Variants in DENND2A observed in about 807,000 individuals in gnomAD.
DENND2A encodes the protein DENN domain containing 2A.
Under a neutral mutation model 105.3 loss-of-function variants are expected in DENND2A, and 53 were observed. That is an observed-to-expected ratio of 0.50 (90% CI 0.40 to 0.63). DENND2A has a LOEUF of 0.63. DENND2A is among the 30% of genes least tolerant of loss of function. DENND2A has a pLI of 0.00. For missense variants in DENND2A, 1,138 were observed against 1,279.6 expected (o/e 0.89, Z 1.69); for synonymous variants, 522 against 508.4 (o/e 1.03, Z -0.36).
chr7:140,568,665 C>T (rs1194111378), intron 8 of DENND2A, 98 bp downstream of exon 8: 31 of 1,295,458 alleles, frequency 2.4e-5, no homozygotes, highest in East Asian at 4.6e-5. Flanking sequence ...AAGCAAGCTC[C>T]GGCAGGACGC....
At chr7:140,555,796 T>C in intron 11 of DENND2A, 83 bp from the exon 12 acceptor site, 1 of 1,172,042 alleles carries the variant, frequency 8.5e-7, no homozygotes, top group Non-Finnish European at 1.2e-6. Context: ...TGCGAGACTA[T>C]CATGTGCCAG....
intron 1 of DENND2A, among the ~76,000 whole-genome samples, chr7:140,630,108 C>A (rs571758403): frequency 1.3e-5 from 2 of 151,144 alleles, no homozygotes; most frequent in African/African-American, 2.4e-5. Flanking sequence ...TGAGCCACTG[C>A]GCCAGGTCTT....
At chr7:140,590,729 G>A (rs1475687924) in intron 3 of DENND2A, among the ~76,000 whole-genome samples, 1 of 152,020 alleles carries the variant, frequency 6.6e-6, no homozygotes, top group Non-Finnish European at 1.5e-5. Context: ...AAAATTAGCT[G>A]GGCATGGTGG....
At chr7:140,571,694 C>T (rs192112795) in intron 6 of DENND2A, among the ~76,000 whole-genome samples, 2 of 152,030 alleles carry the variant, frequency 1.3e-5, no homozygotes, top group African/African-American at 2.4e-5. Context: ...TATATACATA[C>T]GATGGAATAC....
In DENND2A at chr7:140,556,419, C is replaced by A. The variant is rs533275126; in HGVS notation, c.1960-706G>T. ...AGCGACGCGATCTCAGCTCACTGCACCCTCCACTTCCCAGGTTCAGGAGAT... is the reference window on the plus strand; with the variant it reads ...AGCGACGCGATCTCAGCTCACTGCAACCTCCACTTCCCAGGTTCAGGAGAT... On this transcript the variant is annotated intron_variant, in intron 11 of 19. Transcript: ENST00000496613. Among the ~76,000 whole-genome samples, 20 of 152,162 alleles carry A rather than the reference C, an allele frequency of 1.3e-4. No homozygotes were observed. In the South Asian group the frequency reaches 4.1e-3, roughly 32 times the overall value.
rs1795783504 is a variant in DENND2A, at chr7:140,519,689, G to C, written c.2941C>G (p.Leu981Val). ...TGCTCTCCACTGGGGAGTGTTTCCA[G>C]ATACTCTTGGGCTCGGACCTCAAAC... ...GLFEVRAQEYLETLPSGEHSG... is the reference protein window; with the variant it reads ...GLFEVRAQEYVETLPSGEHSG... Residue 981 changes from leucine (L) to valine (V), a missense_variant, in exon 19 of 20, where the codon CTG becomes GTG. By Grantham distance (32) the Leu-to-Val change is conservative. This residue lies in a region of DENND2A where 627 missense variants were observed against 779.8 expected (regional missense o/e 0.80). Coordinates refer to ENST00000496613, the MANE Select transcript of DENND2A (RefSeq NM_015689.5). The C allele has an allele frequency of 1.2e-6, 2 of 1,613,974 alleles. No individual in the cohort carries two copies. Among genetic ancestry groups the C allele is most frequent in the Non-Finnish European group, 1.7e-6 (2 of 1,180,036 alleles).
At chr7:140,564,296 A>ATACAC (rs11407278) in intron 9 of DENND2A, among the ~76,000 whole-genome samples, 1 of 141,996 alleles carries the variant, frequency 7.0e-6, no homozygotes. Flanking sequence ...AAAAAAAAAA[A>ATACAC]ATACACACAC....
chr7:140,534,159 A>G (rs1286976152), intron 14 of DENND2A, among the ~76,000 whole-genome samples: 3 of 139,152 alleles, frequency 2.2e-5, no homozygotes, highest in Non-Finnish European at 4.5e-5. Flanking sequence ...ATCTTGGCTC[A>G]CTGCAACCTC....
At chr7:140,621,676 C>A (rs561765332) in intron 1 of DENND2A, among the ~76,000 whole-genome samples, 1 of 152,268 alleles carries the variant, frequency 6.6e-6, no homozygotes, top group East Asian at 1.9e-4. Context: ...AGAGTAAAAC[C>A]TGGGAGAAAT....
At chr7:140,550,249 A>G (rs1317441909) in intron 12 of DENND2A, among the ~76,000 whole-genome samples, 2 of 150,094 alleles carry the variant, frequency 1.3e-5, no homozygotes, top group African/African-American at 2.5e-5. Context: ...CTGGAGTGCA[A>G]TGGCATGATT....
chr7:140,588,059 C>T (rs1798860623), intron 3 of DENND2A, among the ~76,000 whole-genome samples: 1 of 152,126 alleles, frequency 6.6e-6, no homozygotes, highest in Non-Finnish European at 1.5e-5. Flanking sequence ...TATAGGCATG[C>T]ACCACCATGC....
chr7:140,549,498 C>T (rs1445485778), intron 12 of DENND2A, among the ~76,000 whole-genome samples: 2 of 152,140 alleles, frequency 1.3e-5, no homozygotes, highest in African/African-American at 4.8e-5. Flanking sequence ...GGCGATCCAA[C>T]CACCTCGGCC....
intron 1 of DENND2A, among the ~76,000 whole-genome samples, chr7:140,606,669 C>T (rs1234035708): frequency 6.6e-6 from 1 of 152,142 alleles, no homozygotes; most frequent in Non-Finnish European, 1.5e-5. Context: ...GAGGAAGAAA[C>T]AGCCAGTCAC....
rs1165253379 is a variant in DENND2A at position 140,628,057 on chromosome 7, T to C, written c.-248+12447A>G. On this transcript the variant is annotated intron_variant, in intron 1 of 19. Transcript: ENST00000496613. ...TGACAGCTTCGGCCTCCCAAAGTGC[T>C]GGGATTACAGGTGTAAGCCACTGTG... Among the ~76,000 whole-genome samples, 4 of 152,290 alleles carry C rather than the reference T, an allele frequency of 2.6e-5. No homozygotes were observed. The East Asian group carries it at 5.8e-4, about 22-fold the overall frequency.
At chr7:140,626,429 G>A (rs779978768) in intron 1 of DENND2A, among the ~76,000 whole-genome samples, 6 of 152,260 alleles carry the variant, frequency 3.9e-5, no homozygotes, top group Middle Eastern at 3.4e-3. Context: ...AGGACCACCC[G>A]GTGTGATCTG....
At chr7:140,545,507 T>C (rs1479241185) in intron 13 of DENND2A, among the ~76,000 whole-genome samples, 1 of 152,116 alleles carries the variant, frequency 6.6e-6, no homozygotes, top group African/African-American at 2.4e-5. Context: ...CCCGCCACCA[T>C]GCCTGGCTAA....
chr7:140,582,728 G>A (rs1180015923), intron 5 of DENND2A, among the ~76,000 whole-genome samples: 2 of 152,128 alleles, frequency 1.3e-5, no homozygotes, highest in Admixed American at 6.5e-5. Context: ...ACCTGCCAGC[G>A]ATGCTGACCC....
At chr7:140,610,528 T>A (rs562273973) in intron 1 of DENND2A, among the ~76,000 whole-genome samples, 427 of 151,736 alleles carry the variant, frequency 2.8e-3, no homozygotes, top group Non-Finnish European at 4.6e-3. Context: ...TTGCTAGATT[T>A]TATATATATA....
At chr7:140,521,818 T>C (rs1795869798) in intron 18 of DENND2A, 37 bp downstream of exon 18, 1 of 1,609,110 alleles carries the variant, frequency 6.2e-7, no homozygotes. Context: ...TAGGGAGCTC[T>C]AGCTGACTCG....
Sources: gnomAD v4.1 joint callset for allele counts (sites outside exome capture counted in the v4.1 genomes callset) on GRCh38, gnomAD v4.1.1 for gene constraint, gnomAD v4.1.1 regional missense constraint, MANE v1.5 for transcripts, NCBI Gene and HGNC (gene_info 2026-07-23, HGNC 2026-07-21) for gene names.